SAMD5: variants seen among roughly 807,000 people sequenced by gnomAD.
SAMD5 encodes sterile alpha motif domain-containing protein 5.
A neutral mutation model predicts 11.3 loss-of-function variants in SAMD5; 13 were observed. The observed-to-expected ratio is 1.15, with a 90% CI of 0.75 to 1.83. SAMD5 has a LOEUF of 1.83. Ranked by LOEUF, SAMD5 falls within the 40% of genes most tolerant of loss-of-function variation. The pLI, the probability that SAMD5 is intolerant of heterozygous loss-of-function variation, is 0.00. For synonymous variants in SAMD5, 129 were observed against 111.3 expected, an observed-to-expected ratio of 1.16 and a Z score of -1.00; for missense variants, 255 against 239.1, an observed-to-expected ratio of 1.07 and a Z score of -0.44.
At chr6:147,598,526 G>A (rs1789569576) in intron 1 of SAMD5, among the ~76,000 whole-genome samples, 1 of 152,138 alleles carries the variant, frequency 6.6e-6, no homozygotes, top group African/African-American at 2.4e-5. Flanking sequence ...AGAAAGCCCT[G>A]GGTTCGAGGC....
intron 1 of SAMD5, among the ~76,000 whole-genome samples, chr6:147,618,655 A>T (rs1789911281): frequency 6.6e-6 from 1 of 152,182 alleles, no homozygotes. Flanking sequence ...CCTTGGCGGG[A>T]GCCCATTATC....
intron 1 of SAMD5, among the ~76,000 whole-genome samples, chr6:147,560,207 A>G (rs1314498944): frequency 6.6e-6 from 1 of 152,226 alleles, no homozygotes; most frequent in East Asian, 1.9e-4. Flanking sequence ...ATTTACAGTT[A>G]CAGTGAGGCT....
chr6:147,822,260 A>G, the SAMD5 span, among the ~76,000 whole-genome samples: 1 of 152,120 alleles, frequency 6.6e-6, no homozygotes, highest in Non-Finnish European at 1.5e-5. Flanking sequence ...GTCAATTTGA[A>G]TCTTCCAATT....
the SAMD5 span, chr6:147,947,601 G>C: frequency 6.6e-6 from 1 of 152,152 alleles, no homozygotes; most frequent in Admixed American, 6.5e-5. Flanking sequence ...AGGCAAACCA[G>C]AAAGCATAAG....
At chr6:147,528,964 T>G (rs1460810652) in intron 1 of SAMD5, among the ~76,000 whole-genome samples, 1 of 152,232 alleles carries the variant, frequency 6.6e-6, no homozygotes, top group African/African-American at 2.4e-5. Context: ...ACTTTTGACC[T>G]GTGTGACCTC....
At chr6:147,586,215 G>T (rs1789371427) in intron 1 of SAMD5, among the ~76,000 whole-genome samples, 1 of 152,166 alleles carries the variant, frequency 6.6e-6, no homozygotes, top group Non-Finnish European at 1.5e-5. Context: ...TTGGCAGCCT[G>T]TGACTTGCTG....
At chr6:147,812,198 T>G in the SAMD5 span, among the ~76,000 whole-genome samples, 1 of 152,194 alleles carries the variant, frequency 6.6e-6, no homozygotes, top group Non-Finnish European at 1.5e-5. Flanking sequence ...ATTTTTTTGT[T>G]AAGAGAAGAT....
At chr6:147,734,711 TAAAAAAAAAA>T (rs61482319) in intron 1 of SAMD5, among the ~76,000 whole-genome samples, 245 of 26,112 alleles carry the variant, frequency 9.4e-3, no homozygotes, top group African/African-American at 0.019. Flanking sequence ...AGACTCCATC[TAAAAAAAAAA>T]AAAAAAAAAA....
chr6:147,624,218 A>G (rs768406153), intron 1 of SAMD5, among the ~76,000 whole-genome samples: 6 of 152,214 alleles, frequency 3.9e-5, no homozygotes, highest in Non-Finnish European at 5.9e-5. Flanking sequence ...TAGAAACCCC[A>G]GTTAGGCTTG....
the SAMD5 span, among the ~76,000 whole-genome samples, chr6:147,871,339 T>G: frequency 6.6e-6 from 1 of 152,168 alleles, no homozygotes; most frequent in Non-Finnish European, 1.5e-5. Flanking sequence ...ACATTTAGGC[T>G]TAAGAATAAA....
At chr6:147,700,424 G>C (rs144253017) in intron 1 of SAMD5, among the ~76,000 whole-genome samples, 1 of 152,226 alleles carries the variant, frequency 6.6e-6, no homozygotes, top group East Asian at 1.9e-4. Flanking sequence ...TCTTATCTAA[G>C]TCCCAGAGGA....
At chr6:147,658,925 A>C (rs541249767) in intron 1 of SAMD5, among the ~76,000 whole-genome samples, 17 of 152,236 alleles carry the variant, frequency 1.1e-4, no homozygotes, top group Non-Finnish European at 2.5e-4. Flanking sequence ...ACAGGCACAG[A>C]GATATAATTT....
At chr6:147,732,145 AG>A (rs1791725043) in intron 1 of SAMD5, among the ~76,000 whole-genome samples, 5 of 152,316 alleles carry the variant, frequency 3.3e-5, no homozygotes, top group Admixed American at 2.0e-4. Context: ...TTTCAGAAAA[AG>A]GACCATCAGC....
At chr6:147,592,913 T>C (rs1184492960) in intron 1 of SAMD5, among the ~76,000 whole-genome samples, 3 of 152,144 alleles carry the variant, frequency 2.0e-5, no homozygotes, top group Non-Finnish European at 4.4e-5. Flanking sequence ...TGAACCTCCT[T>C]AAGCCAGAGA....
intron 1 of SAMD5, among the ~76,000 whole-genome samples, chr6:147,629,298 C>T (rs1790104773): frequency 6.8e-6 from 1 of 147,952 alleles, no homozygotes; most frequent in South Asian, 2.3e-4. Context: ...GCGACAAGAG[C>T]AAAGCTCCAT....
At chr6:147,933,829 C>T in the SAMD5 span, among the ~76,000 whole-genome samples, 1 of 152,084 alleles carries the variant, frequency 6.6e-6, no homozygotes, top group African/African-American at 2.4e-5. Flanking sequence ...AAAATCATAT[C>T]CTGAGGAAGA....
Position 147,595,499 on chromosome 6 carries a change from G to A in SAMD5, c.162+86112G>A, listed in dbSNP as rs537728146. Among the ~76,000 whole-genome samples the A allele has an allele frequency of 8.0e-5, 11 of 137,486 alleles. No homozygotes were observed. The East Asian group carries it at 1.3e-3, about 16-fold the overall frequency. The allele number at this position is 137,486 out of a possible 152,430, so 90.2% of individuals were successfully genotyped here. On this transcript the variant is annotated intron_variant, in intron 1 of 1. Transcript: ENST00000566741. ...CTGGACTATCCCCACCCCCTACTCC[G>A]TTTTTAGTAGTGACTAAACTACCTT...
At chr6:147,627,502 C>A (rs1790073139) in intron 1 of SAMD5, among the ~76,000 whole-genome samples, 1 of 152,096 alleles carries the variant, frequency 6.6e-6, no homozygotes, top group Non-Finnish European at 1.5e-5. Context: ...AGGAATATTT[C>A]TATTGCAATA....
rs1789100860 is a variant in SAMD5 at position 147,569,400 on chromosome 6, AAGT to A, written c.*4949_*4951del. 1.0e-6 allele frequency: 1 copy of A among 959,064 alleles called. No individual in the cohort carries two copies. 59.4% of individuals were successfully genotyped at this position (959,064 alleles called of 1,614,324 possible). A position where few individuals can be genotyped will look rare whatever the true frequency, so the allele number is the denominator to read the frequency against. On this transcript the variant is annotated 3_prime_UTR_variant, in exon 2 of 2. Coordinates refer to ENST00000367474, the MANE Select transcript of SAMD5 (RefSeq NM_001030060.3). ...GAGGCTAAATTCCATGTTAAGAGCT[AAGT>A]AGTATTTTTTTCTTAACAATTTTGC...
Sources: allele counts gnomAD v4.1 joint callset (sites outside exome capture counted in the v4.1 genomes callset), GRCh38; gene constraint gnomAD v4.1.1; transcripts MANE v1.5; gene names NCBI Gene and HGNC (gene_info 2026-07-23, HGNC 2026-07-21).